TMEM164: variants seen among roughly 807,000 people sequenced by gnomAD.
TMEM164 encodes the protein transmembrane protein 164, also known as RP13-360B22.2.
Under a neutral mutation model 18.8 loss-of-function variants are expected in TMEM164, and 4 were observed. The observed-to-expected ratio is 0.21, with a 90% CI of 0.10 to 0.49. The LOEUF is 0.49. Ranked by LOEUF, TMEM164 falls within the 20% of genes least tolerant of loss-of-function variation. TMEM164 has a pLI of 0.98. For synonymous variants in TMEM164, 86 were observed against 101.7 expected (o/e 0.85, Z 0.93); for missense variants, 108 against 239.9 (o/e 0.45, Z 3.63).
At chrX:110,012,761 A>G (rs1933083121) in intron 2 of TMEM164, among the ~76,000 whole-genome samples, 1 of 112,341 alleles carries the variant, frequency 8.9e-6, no homozygotes, top group Non-Finnish European at 1.9e-5. Flanking sequence ...CTGGCTACAC[A>G]GGGCAGCGCT....
chrX:110,108,125 T>TGTGTGTGTGTGTGA lies in TMEM164; in HGVS notation c.441-954_441-953insTGTGTGTGTGTGAG, dbSNP rs1444288844. On this transcript the variant is annotated intron_variant, in intron 3 of 6. Transcript: ENST00000372068. ...GTGTGTGTGTGTGTGTGTGTGTGTG[T>TGTGTGTGTGTGTGA]GATTGAGATTGACATCAACCCCCAT... 2.4e-4 allele frequency among the ~76,000 whole-genome samples: 25 copies of TGTGTGTGTGTGTGA among 102,786 alleles called. 1 individual carries two copies. The highest frequency in any genetic ancestry group is 8.6e-4 in the African/African-American group (23 of 26,690). 89.3% of individuals were successfully genotyped at this position (102,786 alleles called of 115,157 possible). A position where few individuals can be genotyped will look rare whatever the true frequency, so the allele number is the denominator to read the frequency against.
chrX:110,109,776 C>T (rs997713193), intron 4 of TMEM164, among the ~76,000 whole-genome samples: 3 of 111,670 alleles, frequency 2.7e-5, no homozygotes, highest in Non-Finnish European at 5.7e-5. Flanking sequence ...TCATGGCTAG[C>T]AGGGAGAATC....
Position 110,176,088 on chromosome X carries a change from C to T in TMEM164, c.*2637C>T. 5.3e-6 allele frequency: 4 copies of T among 756,818 alleles called. No homozygotes were observed. The highest frequency in any genetic ancestry group is 6.3e-6 in the Non-Finnish European group (4 of 639,770). 62.4% of individuals were successfully genotyped at this position (756,818 alleles called of 1,213,427 possible). On this transcript the variant is annotated 3_prime_UTR_variant, in exon 7 of 7. Transcript: ENST00000372068. ...GTTCCCCAGCCAGGTTTCCGTGTGC[C>T]ATTTGCCAGCGTGTGGGAGCTCTGC...
intron 3 of TMEM164, among the ~76,000 whole-genome samples, chrX:110,070,337 C>A (rs1178674727): frequency 1.8e-5 from 2 of 111,420 alleles, no homozygotes. Flanking sequence ...AAAAAAAATT[C>A]TTGGCTATTT....
At position 110,173,709 on chromosome X, in the gene TMEM164, C is replaced by T; in HGVS notation, c.*258C>T. On this transcript the variant is annotated 3_prime_UTR_variant, in exon 7 of 7. Transcript: ENST00000372068. ...TGGCTCTCTCTCTGCTCCTAGTGGC[C>T]TTACATGGGGAGATTGCAGTGAGCG... The T allele has an allele frequency of 2.6e-6, 1 of 385,161 alleles. No homozygotes were observed. Among genetic ancestry groups the T allele is most frequent in the African/African-American group, 2.5e-5 (1 of 39,451 alleles). 31.7% of individuals were successfully genotyped at this position (385,161 alleles called of 1,213,427 possible). A position where few individuals can be genotyped will look rare whatever the true frequency, so the allele number is the denominator to read the frequency against.
At chrX:110,067,322 A>G (rs748197733) in intron 2 of TMEM164, 25 bp from the exon 3 acceptor site, 1 of 1,204,230 alleles carries the variant, frequency 8.3e-7, no homozygotes, top group African/African-American at 1.7e-5. Flanking sequence ...CTTGCTAACC[A>G]TTCTTAATTC....
intron 2 of TMEM164, among the ~76,000 whole-genome samples, chrX:110,006,058 G>A (rs1247888518): frequency 1.8e-5 from 2 of 111,591 alleles, no homozygotes; most frequent in Non-Finnish European, 3.8e-5. Context: ...GTATGACTTT[G>A]GAGAAAGTAC....
chrX:110,173,355 C>G lies in TMEM164; in HGVS notation c.798C>G (p.Thr266=). Residue 266 remains threonine (T), a synonymous_variant, in exon 7 of 7, where the codon ACC becomes ACG. Coordinates refer to ENST00000372068, the MANE Select transcript of TMEM164 (RefSeq NM_032227.4). Reference sequence around the variant, plus strand: ...GACACCAGACTCTCATGACCATGACCCACGGGAAGCTGGTCATCCTGTTCT... The same window carrying G: ...GACACCAGACTCTCATGACCATGACGCACGGGAAGCTGGTCATCCTGTTCT... ...ASGHQTLMTM[T]HGKLVILFSY... 8.3e-7 allele frequency: 1 copy of G among 1,211,800 alleles called. No homozygotes were observed. Among genetic ancestry groups the G allele is most frequent in the Non-Finnish European group, 1.1e-6 (1 of 895,429 alleles).
At chrX:110,099,163 T>C (rs2066072713) in intron 3 of TMEM164, among the ~76,000 whole-genome samples, 1 of 110,631 alleles carries the variant, frequency 9.0e-6, no homozygotes, top group Non-Finnish European at 1.9e-5. Context: ...AAGTTCTTTG[T>C]TGGATATGTG....
intron 2 of TMEM164, among the ~76,000 whole-genome samples, chrX:110,047,512 A>G (rs1012673051): frequency 2.6e-4 from 29 of 112,230 alleles, no homozygotes; most frequent in Admixed American, 2.5e-3. Flanking sequence ...TAATTTAAAT[A>G]TCTAATAGGC....
chrX:110,096,486 C>G, intron 3 of TMEM164, among the ~76,000 whole-genome samples: 1 of 113,012 alleles, frequency 8.8e-6, no homozygotes, highest in African/African-American at 3.2e-5. Flanking sequence ...CCCTCCGAGG[C>G]CAGGTGCGAG....
chrX:110,012,691 G>A (rs1246171183), intron 2 of TMEM164, among the ~76,000 whole-genome samples: 2 of 111,802 alleles, frequency 1.8e-5, no homozygotes, highest in East Asian at 2.8e-4. Flanking sequence ...TAATCTGAAG[G>A]CCTGGCGAGG....
At chrX:110,099,878 G>A (rs764838021) in intron 3 of TMEM164, among the ~76,000 whole-genome samples, 25 of 111,729 alleles carry the variant, frequency 2.2e-4, no homozygotes, top group Non-Finnish European at 4.3e-4. Flanking sequence ...TATTTTATCA[G>A]CATTTTGCCA....
At chrX:110,116,822 T>TTGTGTG (rs560695330) in intron 4 of TMEM164, among the ~76,000 whole-genome samples, 11 of 97,041 alleles carry the variant, frequency 1.1e-4, no homozygotes, top group East Asian at 9.6e-4. Flanking sequence ...GGCCACTCCC[T>TTGTGTG]TGTGTGTGTG....
At chrX:110,035,955 A>G (rs1934778930) in intron 2 of TMEM164, among the ~76,000 whole-genome samples, 1 of 110,683 alleles carries the variant, frequency 9.0e-6, no homozygotes, top group Non-Finnish European at 1.9e-5. Context: ...GGTAGTGCTT[A>G]TGTACATTCC....
intron 5 of TMEM164, among the ~76,000 whole-genome samples, chrX:110,161,412 G>T (rs1021702314): frequency 1.8e-5 from 2 of 111,197 alleles, no homozygotes; most frequent in Non-Finnish European, 1.9e-5. Flanking sequence ...TAGGAACTCT[G>T]GTAAATCCTG....
intron 4 of TMEM164, among the ~76,000 whole-genome samples, chrX:110,140,285 G>A (rs781084219): frequency 5.2e-4 from 58 of 111,817 alleles, no homozygotes; most frequent in African/African-American, 1.8e-3. Flanking sequence ...GGAAGAGACA[G>A]CAATTTAGAA....
chrX:110,093,884 A>G (rs146755718), intron 3 of TMEM164, among the ~76,000 whole-genome samples: 1,262 of 111,351 alleles, frequency 0.011, 16 homozygotes, highest in African/African-American at 0.039. Flanking sequence ...CTGGTATGTT[A>G]TGTCTTTGTT....
At chrX:110,137,726 A>T (rs1331983302) in intron 4 of TMEM164, among the ~76,000 whole-genome samples, 1 of 112,130 alleles carries the variant, frequency 8.9e-6, no homozygotes, top group Non-Finnish European at 1.9e-5. Context: ...TAGACTATGA[A>T]CTGTTGTAGG....
Sources: allele counts gnomAD v4.1 joint callset (sites outside exome capture counted in the v4.1 genomes callset), GRCh38; gene constraint gnomAD v4.1.1; transcripts MANE v1.5; gene names NCBI Gene and HGNC (gene_info 2026-07-23, HGNC 2026-07-21).